The following DMRT1 variants were observed in gnomAD, a reference collection of about 807,000 sequenced individuals.
The protein encoded by DMRT1 is doublesex- and mab-3-related transcription factor 1.
DMRT1 carries 7 observed loss-of-function variants against 32.3 expected under a neutral mutation model. The ratio of observed to expected loss-of-function variants is 0.22; its 90% confidence interval spans 0.12 to 0.41. The LOEUF (loss-of-function observed/expected upper bound fraction) is 0.41. Ranked by LOEUF, DMRT1 falls within the 10% of genes least tolerant of loss-of-function variation. The pLI is 1.00. For synonymous variants in DMRT1, 278 were observed against 206.1 expected, an observed-to-expected ratio of 1.35 and a Z score of -2.99; for missense variants, 625 against 500.5, an observed-to-expected ratio of 1.25 and a Z score of -2.37.
chr9:958,161 T>C (rs1449791288), intron 4 of DMRT1, among the ~76,000 whole-genome samples: 1 of 152,170 alleles, frequency 6.6e-6, no homozygotes. Flanking sequence ...TCACCCTAAA[T>C]AGTATTAATA....
chr9:852,009 A>G (rs1462110193), intron 2 of DMRT1, among the ~76,000 whole-genome samples: 1 of 149,492 alleles, frequency 6.7e-6, no homozygotes, highest in Non-Finnish European at 1.5e-5. Flanking sequence ...GCGCGATCCC[A>G]GCTCACTGCA....
intron 4 of DMRT1, among the ~76,000 whole-genome samples, chr9:942,746 G>C (rs958372013): frequency 6.6e-6 from 1 of 152,000 alleles, no homozygotes; most frequent in Non-Finnish European, 1.5e-5. Context: ...TGGTGATTTC[G>C]TAGCAACATC....
intron 4 of DMRT1, among the ~76,000 whole-genome samples, chr9:941,544 A>T (rs751146318): frequency 6.6e-6 from 1 of 152,106 alleles, no homozygotes; most frequent in African/African-American, 2.4e-5. Context: ...GGAGGACAGA[A>T]TGGAGAGTTA....
At chr9:963,574 T>G (rs1819843203) in intron 4 of DMRT1, among the ~76,000 whole-genome samples, 1 of 152,210 alleles carries the variant, frequency 6.6e-6, no homozygotes, top group South Asian at 2.1e-4. Flanking sequence ...CCATGATAGA[T>G]CAGGTGGAAT....
intron 2 of DMRT1, among the ~76,000 whole-genome samples, chr9:880,228 C>A (rs1816676687): frequency 6.6e-6 from 1 of 152,094 alleles, no homozygotes; most frequent in South Asian, 2.1e-4. Context: ...GTCCTTTTTC[C>A]TTTGGTGTGC....
rs1236755338 is a variant in DMRT1 at position 946,672 on chromosome 9, C to G, written c.968-21313C>G. On this transcript the variant is annotated intron_variant, in intron 4 of 4. Coordinates refer to ENST00000382276, the MANE Select transcript of DMRT1 (RefSeq NM_021951.3). ...CTTTCCTTCCTTGTAGTTACTTTCT[C>G]ATTACTAGGCGATCTCCCCAAAATA... 3.3e-5 allele frequency among the ~76,000 whole-genome samples: 5 copies of G among 152,176 alleles called. No individual in the cohort carries two copies. The East Asian group carries it at 9.6e-4, about 29-fold the overall frequency.
chr9:951,346 G>A (rs1455897141), intron 4 of DMRT1, among the ~76,000 whole-genome samples: 1 of 152,162 alleles, frequency 6.6e-6, no homozygotes, highest in Non-Finnish European at 1.5e-5. Context: ...TAAGCCTCTG[G>A]TAAGCTGGAA....
intron 3 of DMRT1, among the ~76,000 whole-genome samples, chr9:906,057 ACACT>A (rs5895874): frequency 0.69 from 104,341 of 151,420 alleles, 37,936 homozygotes; most frequent in East Asian, 0.88. Context: ...ACACACTCAC[ACACT>A]CTTCCAAATC....
chr9:861,164 T>A (rs535562759), intron 2 of DMRT1, among the ~76,000 whole-genome samples: 54 of 150,678 alleles, frequency 3.6e-4, no homozygotes, highest in African/African-American at 5.1e-4. Flanking sequence ...CAGATAAACA[T>A]GTGAACAAAG....
At chr9:868,325 G>T (rs1219206878) in intron 2 of DMRT1, among the ~76,000 whole-genome samples, 3 of 152,014 alleles carry the variant, frequency 2.0e-5, no homozygotes, top group Non-Finnish European at 4.4e-5. Context: ...ATCTTACAGG[G>T]GATCTCTTAG....
chr9:894,152 T>C lies in DMRT1; in HGVS notation c.779T>C (p.Leu260Pro), dbSNP rs1163858055. The change falls in exon 3 of 5, where the codon CTC becomes CCC. Residue 260 changes from leucine to proline, a missense_variant. Leu to Pro is a moderately conservative substitution (Grantham distance 98). Coordinates refer to ENST00000382276, the MANE Select transcript of DMRT1 (RefSeq NM_021951.3). The stretch of plus-strand genomic sequence containing the variant: ...CCTGTGAAGAACAGCCTTCGGGGCC[T>C]CCCCGGACCTTATGTGCCTGGTCAG... ...GSPVKNSLRG[L>P]PGPYVPGQTG... The C allele has an allele frequency of 2.5e-6, 4 of 1,613,940 alleles. No individual in the cohort carries two copies. The Admixed American group carries it at 6.7e-5, about 27-fold the overall frequency.
At chr9:917,452 C>T (rs1186543016) in intron 4 of DMRT1, among the ~76,000 whole-genome samples, 6 of 152,158 alleles carry the variant, frequency 3.9e-5, no homozygotes, top group Admixed American at 2.6e-4. Context: ...CTTTGAAATA[C>T]ATAGTAACTC....
At chr9:916,628 T>C in intron 3 of DMRT1, 135 bp from the exon 4 acceptor site, 1 of 1,077,540 alleles carries the variant, frequency 9.3e-7, no homozygotes, top group East Asian at 2.5e-5. Context: ...CGCCCTGGCC[T>C]CCCAAGGTGT....
intron 4 of DMRT1, among the ~76,000 whole-genome samples, chr9:944,814 A>G (rs150147738): frequency 3.2e-4 from 48 of 152,292 alleles, no homozygotes; most frequent in African/African-American, 1.1e-3. Flanking sequence ...AAATATTACT[A>G]TTCTATGGTG....
chr9:939,913 A>G (rs1374981266), intron 4 of DMRT1, among the ~76,000 whole-genome samples: 1 of 152,208 alleles, frequency 6.6e-6, no homozygotes, highest in Non-Finnish European at 1.5e-5. Flanking sequence ...TTGAACAGGC[A>G]TTTCTCCAAA....
chr9:855,438 A>T (rs1460144197), intron 2 of DMRT1, among the ~76,000 whole-genome samples: 1 of 152,196 alleles, frequency 6.6e-6, no homozygotes, highest in African/African-American at 2.4e-5. Flanking sequence ...TCTGTATAGT[A>T]CAGTACCTGG....
intron 2 of DMRT1, among the ~76,000 whole-genome samples, chr9:861,274 G>C (rs149462926): frequency 0.24 from 35,716 of 151,724 alleles, 4,297 homozygotes; most frequent in Middle Eastern, 0.32. Context: ...TGACTCTTAA[G>C]GAGCATGCTG....
chr9:968,237 A>G lies in DMRT1; in HGVS notation c.*98A>G. The G allele has an allele frequency of 7.1e-7, 1 of 1,413,238 alleles. No homozygotes were observed. The highest frequency in any genetic ancestry group is 9.7e-7 in the Non-Finnish European group (1 of 1,026,266). The allele number at this position is 1,413,238 out of a possible 1,614,324, so 87.5% of individuals were successfully genotyped here. On this transcript the variant is annotated 3_prime_UTR_variant, in exon 5 of 5. Transcript: ENST00000382276. ...TTTTGCATTGACTCATACTATCTTA[A>G]CTGTTGAGAACGTATTTGGTTTATA...
chr9:941,236 C>A (rs1272190417), intron 4 of DMRT1, among the ~76,000 whole-genome samples: 1 of 151,994 alleles, frequency 6.6e-6, no homozygotes, highest in Non-Finnish European at 1.5e-5. Context: ...ATGTTCACAG[C>A]AGCATAAATG....
Sources: allele counts gnomAD v4.1 joint callset (sites outside exome capture counted in the v4.1 genomes callset), GRCh38; gene constraint gnomAD v4.1.1; transcripts MANE v1.5; gene names NCBI Gene and HGNC (gene_info 2026-07-23, HGNC 2026-07-21).